The following CASP5 variants were observed in gnomAD, a reference collection of about 807,000 sequenced individuals.
CASP5 encodes caspase-5.
Under a neutral mutation model 45.2 loss-of-function variants are expected in CASP5, and 42 were observed. That is an observed-to-expected ratio of 0.93 (90% CI 0.73 to 1.20). The LOEUF is 1.20. Ranked by LOEUF, CASP5 falls within the 50% of genes most tolerant of loss-of-function variation. CASP5 has a pLI of 0.00. For synonymous variants in CASP5, 209 were observed against 186.2 expected, an observed-to-expected ratio of 1.12 and a Z score of -1.00; for missense variants, 512 against 532.2, an observed-to-expected ratio of 0.96 and a Z score of 0.37.
rs1357917634 is a variant in CASP5 at position 104,994,351 on chromosome 11, C to A, written c.*5-4G>T. ...GGGCTGGGCTGCCTGTGGTTTCCTGCAGAAGAGAGAAAGGACAGAAGGTCA... is the reference window on the plus strand; with the variant it reads ...GGGCTGGGCTGCCTGTGGTTTCCTGAAGAAGAGAGAAAGGACAGAAGGTCA... On this transcript the variant is annotated splice_polypyrimidine_tract_variant and splice_region_variant and intron_variant, in intron 9 of 9. Coordinates refer to ENST00000260315, the MANE Select transcript of CASP5 (RefSeq NM_004347.5). 7.9e-5 allele frequency: 12 copies of A among 152,236 alleles called. No homozygotes were observed. The highest frequency in any genetic ancestry group is 1.2e-4 in the Non-Finnish European group (8 of 68,086). 9.4% of individuals were successfully genotyped at this position (152,236 alleles called of 1,614,324 possible).
rs192703159 is a variant in CASP5, at chr11:105,009,944, C to T, written c.8-964G>A. 9.5e-3 allele frequency among the ~76,000 whole-genome samples: 1,266 copies of T among 132,634 alleles called. 16 individuals are homozygous for T. The highest frequency in any genetic ancestry group is 0.011 in the Non-Finnish European group (636 of 60,002). 87.0% of individuals were successfully genotyped at this position (132,634 alleles called of 152,430 possible). A position where few individuals can be genotyped will look rare whatever the true frequency, so the allele number is the denominator to read the frequency against. ...ATACACACATACACACACACACACA[C>T]ATATATATATCAAAGTAATAAATCA... On this transcript the variant is annotated intron_variant, in intron 1 of 9. Coordinates refer to ENST00000260315, the MANE Select transcript of CASP5 (RefSeq NM_004347.5).
At chr11:105,001,884 G>T in intron 5 of CASP5, 144 bp downstream of exon 5, 1 of 640,614 alleles carries the variant, frequency 1.6e-6, no homozygotes, top group Non-Finnish European at 2.7e-6. Flanking sequence ...ATTTGCTAGT[G>T]CATGTGCGCA....
chr11:105,000,433 C>T lies in CASP5; in HGVS notation c.780G>A (p.Thr260=), dbSNP rs139358471. Residue 260 remains threonine, a synonymous_variant, in exon 6 of 10, where the codon ACG becomes ACA. Transcript: ENST00000260315. ...ARPEHKSSDS[T]FLVLMSHGIL... ...TGCCATGAGACATGAGTACCAAGAA[C>T]GTGCTGTCAGAGGACTTGTGCTCTG... The T allele has an allele frequency of 8.7e-5, 140 of 1,614,018 alleles. No homozygotes were observed. Among genetic ancestry groups the T allele is most frequent in the African/African-American group, 1.5e-4 (11 of 74,910 alleles).
At chr11:104,999,788 GAGA>G (rs1388247986) in intron 6 of CASP5, among the ~76,000 whole-genome samples, 1 of 152,198 alleles carries the variant, frequency 6.6e-6, no homozygotes, top group African/African-American at 2.4e-5. Flanking sequence ...AAGAGGGAGA[GAGA>G]AGATTGACTT....
intron 1 of CASP5, among the ~76,000 whole-genome samples, chr11:105,013,075 AT>A (rs1862431634): frequency 6.6e-6 from 1 of 152,014 alleles, no homozygotes; most frequent in South Asian, 2.1e-4. Flanking sequence ...ATGCAACAGT[AT>A]TCAGCTTTAG....
In CASP5 at chr11:104,998,976, G is replaced by C; in HGVS notation, c.1005C>G (p.Ile335Met). Residue 335 changes from isoleucine to methionine, a missense_variant, in exon 7 of 10, where the codon ATC becomes ATG. Ile to Met is a conservative substitution (Grantham distance 10, BLOSUM62 1). Coordinates refer to ENST00000260315, the MANE Select transcript of CASP5 (RefSeq NM_004347.5). ...VRDSPASLALISSQSSENLEA... is the reference protein window; with the variant it reads ...VRDSPASLALMSSQSSENLEA... ...CCAGGTTCTCAGATGACTGTGAAGA[G>C]ATGAGTGCCAAGGATGCTGGAGAGT... 1.2e-6 allele frequency: 2 copies of C among 1,613,840 alleles called. No homozygotes were observed. Among genetic ancestry groups the C allele is most frequent in the Non-Finnish European group, 1.7e-6 (2 of 1,179,756 alleles).
Position 105,007,224 on chromosome 11 carries a change from C to G in CASP5, c.292G>C (p.Glu98Gln), listed in dbSNP as rs774520665. 4.3e-6 allele frequency: 7 copies of G among 1,613,456 alleles called. No homozygotes were observed. In the African/African-American group the frequency reaches 9.3e-5, roughly 22 times the overall value. The change falls in exon 3 of 10, where the codon GAG (glutamate) becomes CAG (glutamine). Residue 98 changes from glutamate to glutamine, a missense_variant. By Grantham distance (29) the Glu-to-Gln change is conservative (BLOSUM62 2). Transcript: ENST00000260315. ...GTATCATAATATTTTTTCTTTTCCTCTTCCTTCAATGTCAGAACATCGTGT... is the reference window on the plus strand; with the variant it reads ...GTATCATAATATTTTTTCTTTTCCTGTTCCTTCAATGTCAGAACATCGTGT... ...AKHDVLTLKEEEKKKYYDTKI... is the reference protein window; with the variant it reads ...AKHDVLTLKEQEKKKYYDTKI...
intron 1 of CASP5, among the ~76,000 whole-genome samples, chr11:105,009,844 TATATATACAC>T (rs1862231596): frequency 8.0e-6 from 1 of 125,686 alleles, no homozygotes; most frequent in Non-Finnish European, 1.6e-5. Flanking sequence ...TATATACACA[TATATATACAC>T]ATATATATAC....
chr11:105,015,237 T>C (rs757218735), intron 1 of CASP5, among the ~76,000 whole-genome samples: 43 of 152,208 alleles, frequency 2.8e-4, no homozygotes, highest in Non-Finnish European at 8.8e-5. Flanking sequence ...GTAGTCCTTT[T>C]CTAGACACCT....
intron 4 of CASP5, among the ~76,000 whole-genome samples, chr11:105,002,931 T>C (rs972375666): frequency 6.6e-6 from 1 of 152,142 alleles, no homozygotes; most frequent in Non-Finnish European, 1.5e-5. Flanking sequence ...GGCACTGTGG[T>C]TCCCGCCTGT....
chr11:104,995,668 A>G (rs951772751), intron 9 of CASP5, 72 bp downstream of exon 9: 12 of 909,140 alleles, frequency 1.3e-5, no homozygotes, highest in Non-Finnish European at 2.2e-5. Context: ...GTCAGCTGTC[A>G]TTGGTCATTG....
chr11:105,019,380 A>C (rs1486822310), intron 1 of CASP5, among the ~76,000 whole-genome samples: 1 of 150,488 alleles, frequency 6.6e-6, no homozygotes, highest in Non-Finnish European at 1.5e-5. Context: ...GGTTTTTTGA[A>C]AGGATCAACA....
chr11:105,017,023 G>C (rs940547557), intron 1 of CASP5, among the ~76,000 whole-genome samples: 9 of 151,520 alleles, frequency 5.9e-5, no homozygotes, highest in African/African-American at 9.8e-5. Flanking sequence ...AGCCTAACTG[G>C]GAGGCACCCC....
intron 1 of CASP5, among the ~76,000 whole-genome samples, chr11:105,021,573 T>G (rs1380779615): frequency 6.7e-6 from 1 of 150,310 alleles, no homozygotes; most frequent in Non-Finnish European, 1.5e-5. Flanking sequence ...TCACCATCAC[T>G]GGCCATCAGA....
chr11:105,011,318 A>T (rs540325343), intron 1 of CASP5, among the ~76,000 whole-genome samples: 1 of 151,890 alleles, frequency 6.6e-6, no homozygotes, highest in African/African-American at 2.4e-5. Context: ...CAACACAATA[A>T]ATGCCACTTA....
intron 5 of CASP5, among the ~76,000 whole-genome samples, chr11:105,000,812 C>T (rs555471102): frequency 2.0e-5 from 3 of 152,250 alleles, no homozygotes; most frequent in East Asian, 3.9e-4. Flanking sequence ...TAACAAGAGT[C>T]ATGTGTTATA....
Position 105,005,013 on chromosome 11 carries a change from T to C in CASP5, c.434-1630A>G, listed in dbSNP as rs946551739. On this transcript the variant is annotated intron_variant, in intron 3 of 9. Coordinates refer to ENST00000260315, the MANE Select transcript of CASP5 (RefSeq NM_004347.5). Reference sequence around the variant, plus strand: ...GAAATTAGACAGAAATTCTATCTTATATCCAGTAGTAGAATTAGTACAAAA... The same window carrying C: ...GAAATTAGACAGAAATTCTATCTTACATCCAGTAGTAGAATTAGTACAAAA... 3.9e-5 allele frequency among the ~76,000 whole-genome samples: 6 copies of C among 152,286 alleles called. No homozygotes were observed. The East Asian group carries it at 1.2e-3, about 29-fold the overall frequency.
rs931658392 is a variant in CASP5, at chr11:105,001,915, C to A, written c.717+113G>T. 7.3e-6 allele frequency: 7 copies of A among 957,560 alleles called. No individual in the cohort carries two copies. In the Middle Eastern group the frequency reaches 9.8e-4, roughly 134 times the overall value. The allele number at this position is 957,560 out of a possible 1,614,324, so 59.3% of individuals were successfully genotyped here. A position where few individuals can be genotyped will look rare whatever the true frequency, so the allele number is the denominator to read the frequency against. ...GCGCATGTACACACACACACACACA[C>A]GCACACGAACCCAGAGGTTGTTAAA... is the stretch of plus-strand genomic sequence containing the variant. On this transcript the variant is annotated intron_variant, in intron 5 of 9. Transcript: ENST00000260315.
chr11:104,996,955 G>T (rs965535047), intron 8 of CASP5, among the ~76,000 whole-genome samples: 11 of 151,802 alleles, frequency 7.2e-5, no homozygotes, highest in Non-Finnish European at 1.5e-4. Flanking sequence ...ACATTTTTTT[G>T]TTAACCCATA....
Sources: allele counts gnomAD v4.1 joint callset (sites outside exome capture counted in the v4.1 genomes callset), GRCh38; gene constraint gnomAD v4.1.1; transcripts MANE v1.5; gene names NCBI Gene and HGNC (gene_info 2026-07-23, HGNC 2026-07-21).